Variants in ZFHX4 observed in about 807,000 individuals in gnomAD.
ZFHX4 encodes zinc finger homeobox 4, also known as zinc finger homeobox protein 4.
A neutral mutation model predicts 267.6 loss-of-function variants in ZFHX4; 56 were observed. The ratio of observed to expected loss-of-function variants is 0.21; its 90% CI spans 0.17 to 0.26. The LOEUF (loss-of-function observed/expected upper bound fraction) is 0.26, where lower values mean the gene tolerates loss of function less well. Ranked by LOEUF, ZFHX4 falls within the 10% of genes least tolerant of loss-of-function variation. The probability of loss-of-function intolerance (pLI) is 1.00; values close to 1 mark genes in which losing one functional copy is unlikely to be tolerated. For missense variants in ZFHX4, 4,332 were observed against 4,420.0 expected, an observed-to-expected ratio of 0.98 and a Z score of 0.56; for synonymous variants, 1,778 against 1,665.6, an observed-to-expected ratio of 1.07 and a Z score of -1.64.
chr8:76,863,954 G>A lies in ZFHX4; in HGVS notation c.10240G>A (p.Asp3414Asn), dbSNP rs192292543. 2 of 1,608,960 alleles carry A rather than the reference G, an allele frequency of 1.2e-6. No homozygotes were observed. Among genetic ancestry groups the A allele is most frequent in the Admixed American group, 3.4e-5 (2 of 59,148 alleles). The stretch of plus-strand genomic sequence containing the variant: ...CAGAAAGTGCCAGATGATGTTTACT[G>A]ATGAAGACGCCGCAGTAAATCATCA... ...ICRKCQMMFT[D>N]EDAAVNHQKS... The change falls in exon 11 of 11, where the codon GAT (aspartate) becomes AAT (asparagine). Residue 3414 changes from aspartate to asparagine, a missense_variant. Physicochemically the swap from Asp to Asn is conservative, Grantham distance 23 (BLOSUM62 1). Coordinates refer to ENST00000651372, the MANE Select transcript of ZFHX4 (RefSeq NM_024721.5).
At chr8:76,836,527 C>T (rs2728452) in intron 5 of ZFHX4, among the ~76,000 whole-genome samples, 1 of 151,656 alleles carries the variant, frequency 6.6e-6, no homozygotes, top group Non-Finnish European at 1.5e-5. Context: ...GCAGAGTCTG[C>T]GAAAATGTAC....
Position 76,852,998 on chromosome 8 carries a change from A to G in ZFHX4, c.6077A>G (p.Lys2026Arg). Residue 2026 changes from lysine to arginine, a missense_variant, in exon 10 of 11, where the codon AAG (lysine) becomes AGG (arginine). Transcript: ENST00000651372. The part of the protein sequence containing the change: ...PPQPSSMGPV[K>R]IPNTVSTPLQ... The stretch of plus-strand genomic sequence containing the variant: ...CAGCCTTCTTCTATGGGTCCTGTAA[A>G]GATCCCCAACACGGTTTCTACTCCT... 1 of 1,540,150 alleles carries G rather than the reference A, an allele frequency of 6.5e-7. No homozygotes were observed. The highest frequency in any genetic ancestry group is 8.8e-7 in the Non-Finnish European group (1 of 1,137,632).
chr8:76,750,128 G>A (rs914465890), intron 3 of ZFHX4, among the ~76,000 whole-genome samples: 2 of 152,114 alleles, frequency 1.3e-5, no homozygotes, highest in African/African-American at 2.4e-5. Flanking sequence ...TTTCAGAGAT[G>A]CTGACCTGTT....
In ZFHX4 at chr8:76,816,526, T is replaced by C. The variant is rs146683524; in HGVS notation, c.3326-16812T>C. Among the ~76,000 whole-genome samples, 798 of 152,222 alleles carry C rather than the reference T, an allele frequency of 5.2e-3. 6 individuals are homozygous for C. Among genetic ancestry groups the C allele is most frequent in the African/African-American group, 0.017 (719 of 41,540 alleles). On this transcript the variant is annotated intron_variant, in intron 4 of 10. Transcript: ENST00000651372. ...TTCATCTTAGGAGCTCCTAGCCAGA[T>C]ATGGCTCTTGCCACCTAGGGAGCTG...
rs117714410 is a variant in ZFHX4, at chr8:76,685,784, G to T, written c.-47+4164G>T. On this transcript the variant is annotated intron_variant, in intron 1 of 10. Transcript: ENST00000651372. The stretch of plus-strand genomic sequence containing the variant: ...CTAAGAAATATTTTCAGCAACCATT[G>T]TTTAGGAGAGTAATAATCAAGAGGT... 2.1e-4 allele frequency among the ~76,000 whole-genome samples: 32 copies of T among 152,266 alleles called. No individual in the cohort carries two copies. In the East Asian group the frequency reaches 5.8e-3, roughly 28 times the overall value.
In ZFHX4 at chr8:76,852,441, C is replaced by G. The variant is rs1812559128; in HGVS notation, c.5520C>G (p.Asn1840Lys). The G allele has an allele frequency of 6.4e-7, 1 of 1,562,938 alleles. No homozygotes were observed. The highest frequency in any genetic ancestry group is 8.7e-7 in the Non-Finnish European group (1 of 1,153,328). ...ASKLLKQEQSNIVSADCQIMK... is the reference protein window; with the variant it reads ...ASKLLKQEQSKIVSADCQIMK... ...AATTATTGAAACAAGAGCAAAGTAACATAGTGAGTGCAGACTGCCAAATCA... is the reference window on the plus strand; with the variant it reads ...AATTATTGAAACAAGAGCAAAGTAAGATAGTGAGTGCAGACTGCCAAATCA... The change falls in exon 10 of 11, where the codon AAC becomes AAG. Residue 1840 changes from asparagine (N) to lysine (K), a missense_variant. Around this residue, in one of 7 missense-constraint regions of ZFHX4, gnomAD observed 1,371 missense variants for 1,423.1 expected, o/e 0.96. Transcript: ENST00000651372.
In ZFHX4 at chr8:76,851,111, A is replaced by T; in HGVS notation, c.4190A>T (p.Tyr1397Phe). The change falls in exon 10 of 11, where the codon TAT (tyrosine) becomes TTT (phenylalanine). Residue 1397 changes from tyrosine (Y) to phenylalanine (F), a missense_variant. Transcript: ENST00000651372. ...GTTTCTGACCGTCATGTCTACAAGTATCGCTGTAACCATTGTAGCTTGGCT... is the reference window on the plus strand; with the variant it reads ...GTTTCTGACCGTCATGTCTACAAGTTTCGCTGTAACCATTGTAGCTTGGCT... ...LSVSDRHVYK[Y>F]RCNHCSLAFK... 6.2e-7 allele frequency: 1 copy of T among 1,614,008 alleles called. No homozygotes were observed. Among genetic ancestry groups the T allele is most frequent in the Non-Finnish European group, 8.5e-7 (1 of 1,179,876 alleles).
At chr8:76,792,484 T>C (rs189590976) in intron 4 of ZFHX4, among the ~76,000 whole-genome samples, 140 of 152,252 alleles carry the variant, frequency 9.2e-4, no homozygotes, top group African/African-American at 3.2e-3. Context: ...ATAAGAAATA[T>C]TTGTGAATTT....
rs867265458 is a variant in ZFHX4 at position 76,864,619 on chromosome 8, A to T, written c.*54A>T. 1.6e-5 allele frequency: 21 copies of T among 1,295,880 alleles called. No homozygotes were observed. The Middle Eastern group carries it at 2.0e-3, about 121-fold the overall frequency. The allele number at this position is 1,295,880 out of a possible 1,614,324, so 80.3% of individuals were successfully genotyped here. On this transcript the variant is annotated 3_prime_UTR_variant, in exon 11 of 11. Coordinates refer to ENST00000651372, the MANE Select transcript of ZFHX4 (RefSeq NM_024721.5). ...AAATAAAAAATAAAAAAATAAAAAA[A>T]AAATAAGACTTTAACTGCAGTTCCA...
chr8:76,697,642 TG>T, intron 1 of ZFHX4, among the ~76,000 whole-genome samples: 1 of 152,148 alleles, frequency 6.6e-6, no homozygotes, highest in Non-Finnish European at 1.5e-5. Context: ...CTTTCAGATA[TG>T]GTAGAAATTG....
At chr8:76,838,746 A>G (rs1036814909) in intron 5 of ZFHX4, among the ~76,000 whole-genome samples, 3 of 152,160 alleles carry the variant, frequency 2.0e-5, no homozygotes, top group African/African-American at 7.2e-5. Context: ...CCCAAACCCA[A>G]TTGTATGTTA....
intron 1 of ZFHX4, among the ~76,000 whole-genome samples, chr8:76,698,135 C>G (rs1312265060): frequency 1.3e-5 from 2 of 152,142 alleles, no homozygotes. Context: ...AGTTCATGTC[C>G]TTGTCTCACA....
At position 76,851,543 on chromosome 8, in the gene ZFHX4, A is replaced by G. The variant is rs746837338; in HGVS notation, c.4622A>G (p.Tyr1541Cys). The change falls in exon 10 of 11, where the codon TAT (tyrosine) becomes TGT (cysteine). Residue 1541 changes from tyrosine (Y) to cysteine (C), a missense_variant. Physicochemically the swap from Tyr to Cys is radical, Grantham distance 194 (BLOSUM62 -2). Transcript: ENST00000651372. The part of the protein sequence containing the change: ...MEKFLDPSRP[Y>C]KCTVCKESFT... ...AAATTCCTTGATCCATCTCGTCCAT[A>G]TAAATGTACAGTGTGTAAAGAGTCA... is the stretch of plus-strand genomic sequence containing the variant. The G allele has an allele frequency of 6.2e-7, 1 of 1,613,950 alleles. No homozygotes were observed. The highest frequency in any genetic ancestry group is 8.5e-7 in the Non-Finnish European group (1 of 1,179,872).
At chr8:76,731,890 A>ATTATTATTT (rs1554555184) in intron 3 of ZFHX4, among the ~76,000 whole-genome samples, 13 of 145,970 alleles carry the variant, frequency 8.9e-5, no homozygotes, top group Non-Finnish European at 1.8e-4. Flanking sequence ...TATTATTATT[A>ATTATTATTT]TTTTTGAGAC....
intron 4 of ZFHX4, among the ~76,000 whole-genome samples, chr8:76,822,506 A>G (rs1241460746): frequency 7.5e-6 from 1 of 133,804 alleles, no homozygotes; most frequent in Non-Finnish European, 1.5e-5. Context: ...TGGCAAGATC[A>G]TAGCTCACTG....
At chr8:76,843,560 G>A (rs564230550) in intron 6 of ZFHX4, among the ~76,000 whole-genome samples, 1 of 152,256 alleles carries the variant, frequency 6.6e-6, no homozygotes, top group East Asian at 1.9e-4. Context: ...TGCTTTGTAT[G>A]TATGAGATGG....
rs139869161 is a variant in ZFHX4 at position 76,855,957 on chromosome 8, C to T, written c.9036C>T (p.Cys3012=). Residue 3012 remains cysteine, a synonymous_variant, in exon 10 of 11, where the codon TGC becomes TGT. Transcript: ENST00000651372. ...GCACCAAACCAGAGTGTACCCTCTG[C>T]GGGGTGAAGTACTCTGCCCGCTTGT... The part of the protein sequence containing the change: ...TEGTKPECTL[C]GVKYSARLSI... The T allele has an allele frequency of 1.9e-4, 306 of 1,613,870 alleles. 4 individuals are homozygous for T. The East Asian group carries it at 6.5e-3, about 34-fold the overall frequency.
intron 5 of ZFHX4, among the ~76,000 whole-genome samples, chr8:76,840,473 A>G (rs1361422518): frequency 6.6e-6 from 1 of 152,168 alleles, no homozygotes; most frequent in Non-Finnish European, 1.5e-5. Flanking sequence ...CACTTAAAAC[A>G]CATACCAGAA....
Position 76,853,628 on chromosome 8 carries a change from A to G in ZFHX4, c.6707A>G (p.Tyr2236Cys), listed in dbSNP as rs1377643165. 6.2e-7 allele frequency: 1 copy of G among 1,613,808 alleles called. No homozygotes were observed. The highest frequency in any genetic ancestry group is 1.1e-5 in the South Asian group (1 of 91,078). The change falls in exon 10 of 11, where the codon TAC becomes TGC. Residue 2236 changes from tyrosine (Y) to cysteine (C), a missense_variant. Around this residue, in one of 7 missense-constraint regions of ZFHX4, gnomAD observed 62 missense variants for 69.8 expected, o/e 0.89. Coordinates refer to ENST00000651372, the MANE Select transcript of ZFHX4 (RefSeq NM_024721.5). ...KRSSRTRFTD[Y>C]QLRVLQDFFD... ...TCTTCTAGAACGAGATTTACTGACT[A>G]CCAGCTTAGGGTTCTGCAAGACTTT...
Sources: allele counts gnomAD v4.1 joint callset (sites outside exome capture counted in the v4.1 genomes callset), GRCh38; gene constraint gnomAD v4.1.1; regional missense constraint gnomAD v4.1.1; transcripts MANE v1.5; gene names NCBI Gene and HGNC (gene_info 2026-07-23, HGNC 2026-07-21).